SOAT2: variants seen among roughly 807,000 people sequenced by gnomAD.
SOAT2 encodes sterol O-acyltransferase 2, also known as ACAT-2.
SOAT2 carries 87 observed loss-of-function variants against 76.0 expected under a neutral mutation model. That is an observed-to-expected ratio of 1.14 (90% CI 0.96 to 1.37). The LOEUF (loss-of-function observed/expected upper bound fraction) is 1.37. Ranked by LOEUF, SOAT2 falls within the 40% of genes most tolerant of loss-of-function variation. SOAT2 has a pLI of 0.00. For missense variants in SOAT2, 686 were observed against 682.1 expected (o/e 1.01, Z -0.06); for synonymous variants, 285 against 275.4 (o/e 1.03, Z -0.34).
chr12:53,111,233 G>A (rs1182930375), intron 5 of SOAT2, among the ~76,000 whole-genome samples: 1 of 151,912 alleles, frequency 6.6e-6, no homozygotes, highest in Non-Finnish European at 1.5e-5. Flanking sequence ...AGCCTCCTGA[G>A]TAGCTGGGAC....
At chr12:53,123,895 C>T in intron 14 of SOAT2, 22 bp downstream of exon 14, 1 of 1,613,858 alleles carries the variant, frequency 6.2e-7, no homozygotes, top group East Asian at 2.2e-5. Context: ...CAACCCTCAT[C>T]CAGCTCCCCA....
chr12:53,109,107 C>T (rs1937976310), intron 5 of SOAT2, among the ~76,000 whole-genome samples: 1 of 152,096 alleles, frequency 6.6e-6, no homozygotes, highest in African/African-American at 2.4e-5. Flanking sequence ...CATGGTGGCG[C>T]ATGCCTGTAG....
Position 53,124,314 on chromosome 12 carries a change from A to G in SOAT2, c.*191A>G. On this transcript the variant is annotated 3_prime_UTR_variant, in exon 15 of 15. Coordinates refer to ENST00000301466, the MANE Select transcript of SOAT2 (RefSeq NM_003578.4). ...TGGGTAACTGATCACAGACCTCAGCATGGGGGTGACCAGGGTGACTCTTCA... is the reference window on the plus strand; with the variant it reads ...TGGGTAACTGATCACAGACCTCAGCGTGGGGGTGACCAGGGTGACTCTTCA... The G allele has an allele frequency of 1.6e-6, 1 of 626,564 alleles. No homozygotes were observed. The highest frequency in any genetic ancestry group is 2.9e-6 in the Non-Finnish European group (1 of 350,328). The allele number at this position is 626,564 out of a possible 1,614,324, so 38.8% of individuals were successfully genotyped here.
At chr12:53,121,504 T>A (rs1010309619) in intron 12 of SOAT2, 103 bp downstream of exon 12, 1 of 840,902 alleles carries the variant, frequency 1.2e-6, no homozygotes, top group Admixed American at 2.3e-5. Flanking sequence ...ACCACTCACC[T>A]AAGGGCCTAA....
intron 14 of SOAT2, 36 bp from the exon 15 acceptor site, chr12:53,124,037 A>T: frequency 6.2e-7 from 1 of 1,613,488 alleles, no homozygotes; most frequent in Non-Finnish European, 8.5e-7. Context: ...GTCACCAGGA[A>T]TGATCTCATT....
intron 13 of SOAT2, 56 bp downstream of exon 13, chr12:53,123,272 T>C (rs1938222812): frequency 1.9e-6 from 3 of 1,604,616 alleles, no homozygotes; most frequent in Non-Finnish European, 2.6e-6. Context: ...GCCTGCATCC[T>C]GCTCCTGCAG....
At chr12:53,120,488 A>C (rs1400419703) in intron 10 of SOAT2, among the ~76,000 whole-genome samples, 1 of 151,892 alleles carries the variant, frequency 6.6e-6, no homozygotes, top group Non-Finnish European at 1.5e-5. Flanking sequence ...TAATAAAAAA[A>C]ATTAGCTGGG....
chr12:53,106,165 T>A, intron 5 of SOAT2, 151 bp downstream of exon 5: 1 of 607,654 alleles, frequency 1.6e-6, no homozygotes, highest in Non-Finnish European at 2.9e-6. Context: ...CCTTTCCACC[T>A]GAAACACTCT....
At chr12:53,117,446 CGAG>C (rs1185592594) in intron 7 of SOAT2, among the ~76,000 whole-genome samples, 1 of 151,656 alleles carries the variant, frequency 6.6e-6, no homozygotes, top group Non-Finnish European at 1.5e-5. Context: ...TAGGAAAGCT[CGAG>C]GAGAACAGAA....
intron 2 of SOAT2, 85 bp from the exon 3 acceptor site, chr12:53,105,022 T>A: frequency 1.5e-6 from 2 of 1,335,636 alleles, no homozygotes; most frequent in Non-Finnish European, 1.0e-6. Context: ...GTGCCTGGCA[T>A]AGACAGAAAT....
chr12:53,104,005 G>A (rs1178329575), intron 1 of SOAT2, 146 bp from the exon 2 acceptor site: 1 of 782,612 alleles, frequency 1.3e-6, no homozygotes, highest in African/African-American at 1.7e-5. Context: ...TCCCCTTCTA[G>A]TAGCCCCAAC....
At chr12:53,110,868 C>T (rs1190963453) in intron 5 of SOAT2, among the ~76,000 whole-genome samples, 2 of 151,426 alleles carry the variant, frequency 1.3e-5, no homozygotes, top group Non-Finnish European at 2.9e-5. Context: ...TTTTTTATGC[C>T]TCTCTTATTT....
intron 10 of SOAT2, among the ~76,000 whole-genome samples, chr12:53,120,349 G>A (rs1335956120): frequency 6.6e-6 from 1 of 152,074 alleles, no homozygotes; most frequent in Non-Finnish European, 1.5e-5. Flanking sequence ...GGCGTCTGTA[G>A]TCCCAGCTAC....
intron 5 of SOAT2, among the ~76,000 whole-genome samples, chr12:53,111,239 G>A (rs886505618): frequency 1.3e-5 from 2 of 151,942 alleles, no homozygotes; most frequent in Admixed American, 1.3e-4. Context: ...CTGAGTAGCT[G>A]GGACTACAGG....
At chr12:53,122,339 CT>C (rs754700101) in intron 12 of SOAT2, among the ~76,000 whole-genome samples, 482 of 138,964 alleles carry the variant, frequency 3.5e-3, no homozygotes, top group South Asian at 6.2e-3. Flanking sequence ...CCCAAACTAC[CT>C]TTTTTTTTTT....
In SOAT2 at chr12:53,115,657, G is replaced by A. The variant is rs1202804848; in HGVS notation, c.708+3G>A. On this transcript the variant is annotated splice_donor_region_variant and intron_variant, in intron 6 of 14. Coordinates refer to ENST00000301466, the MANE Select transcript of SOAT2 (RefSeq NM_003578.4). ...GTTGTGTCCTGGTCTTCGAGCAGGT[G>A]AGGGCCGAGCCCTGCTGACGGACAG... The A allele has an allele frequency of 6.6e-7, 1 of 1,519,828 alleles. No homozygotes were observed. The highest frequency in any genetic ancestry group is 1.3e-5 in the South Asian group (1 of 79,152). The allele number at this position is 1,519,828 out of a possible 1,614,324, so 94.1% of individuals were successfully genotyped here.
intron 5 of SOAT2, among the ~76,000 whole-genome samples, chr12:53,108,768 T>C (rs918144645): frequency 6.6e-6 from 1 of 152,232 alleles, no homozygotes; most frequent in Non-Finnish European, 1.5e-5. Flanking sequence ...TACAAAGTTA[T>C]CAGAAACCTG....
Position 53,105,108 on chromosome 12 carries a change from C to T in SOAT2, c.140C>T (p.Ala47Val). The T allele has an allele frequency of 1.3e-6, 2 of 1,557,198 alleles. No individual in the cohort carries two copies. Among genetic ancestry groups the T allele is most frequent in the South Asian group, 1.2e-5 (1 of 84,374 alleles). Residue 47 changes from alanine (A) to valine (V), a missense_variant and splice_region_variant, in exon 3 of 15, where the codon GCT becomes GTT. Physicochemically the swap from Ala to Val is moderately conservative, Grantham distance 64. Transcript: ENST00000301466. ...DLVQWTRHMEAVKAQLLEQAQ... is the reference protein window; with the variant it reads ...DLVQWTRHMEVVKAQLLEQAQ... The stretch of plus-strand genomic sequence containing the variant: ...CTCTACCCTGGCTTTGTCCCGTAGG[C>T]TGTGAAGGCACAATTGCTGGAGCAA...
At chr12:53,110,589 T>C (rs7976187) in intron 5 of SOAT2, among the ~76,000 whole-genome samples, 28,379 of 152,180 alleles carry the variant, frequency 0.19, 3,383 homozygotes, top group African/African-American at 0.35. Context: ...GAATTTACCA[T>C]ACAAGATCCT....
Sources: gnomAD v4.1 joint callset for allele counts (sites outside exome capture counted in the v4.1 genomes callset) on GRCh38, gnomAD v4.1.1 for gene constraint, MANE v1.5 for transcripts, NCBI Gene and HGNC (gene_info 2026-07-23, HGNC 2026-07-21) for gene names.